PAPPA2: variants seen among roughly 807,000 people sequenced by gnomAD.
PAPPA2 encodes the protein pappalysin 2.
PAPPA2 carries 86 observed loss-of-function variants against 176.4 expected under a neutral mutation model. That is an observed-to-expected ratio of 0.49 (90% CI 0.41 to 0.58). The LOEUF (loss-of-function observed/expected upper bound fraction) is 0.58. PAPPA2 is among the 20% of genes least tolerant of loss of function. The pLI is 0.00. For missense variants in PAPPA2, 2,073 were observed against 2,256.9 expected (o/e 0.92, Z 1.65); for synonymous variants, 809 against 852.2 (o/e 0.95, Z 0.88).
At chr1:176,498,034 C>T (rs920918344) in intron 1 of PAPPA2, among the ~76,000 whole-genome samples, 2 of 152,182 alleles carry the variant, frequency 1.3e-5, no homozygotes, top group Non-Finnish European at 1.5e-5. Flanking sequence ...CTCTGCACAT[C>T]CCTTTAATTG....
intron 1 of PAPPA2, among the ~76,000 whole-genome samples, chr1:176,486,939 T>A (rs1467682209): frequency 3.5e-4 from 50 of 141,138 alleles, no homozygotes; most frequent in Non-Finnish European, 6.5e-4. Context: ...TGGGTGGATT[T>A]AAAAAAAAAA....
intron 3 of PAPPA2, among the ~76,000 whole-genome samples, chr1:176,649,294 A>T (rs1398134269): frequency 1.3e-5 from 2 of 150,908 alleles, no homozygotes; most frequent in Non-Finnish European, 3.0e-5. Flanking sequence ...TTTTTGCTGA[A>T]TTCTTTTTTG....
At chr1:176,518,452 TAA>T (rs368157026) in intron 1 of PAPPA2, among the ~76,000 whole-genome samples, 34,908 of 121,548 alleles carry the variant, frequency 0.29, 4,374 homozygotes, top group African/African-American at 0.35. Flanking sequence ...GCTTGACAGG[TAA>T]AAAAAAAAAA....
intron 12 of PAPPA2, among the ~76,000 whole-genome samples, chr1:176,717,335 G>A (rs773117832): frequency 6.6e-6 from 1 of 152,112 alleles, no homozygotes. Context: ...CAGCACCATG[G>A]CAGTTTATAA....
chr1:176,590,095 G>A (rs573427578), intron 2 of PAPPA2, among the ~76,000 whole-genome samples: 81 of 152,302 alleles, frequency 5.3e-4, no homozygotes, highest in African/African-American at 1.9e-3. Flanking sequence ...GGGTCCTCCA[G>A]TAGACATGTT....
intron 14 of PAPPA2, among the ~76,000 whole-genome samples, chr1:176,754,015 C>CT (rs1341901629): frequency 1.5e-5 from 2 of 134,592 alleles, no homozygotes; most frequent in Non-Finnish European, 1.6e-5. Flanking sequence ...GCCTTTTCAA[C>CT]TGTTTTTTTT....
chr1:176,497,740 A>G (rs2102503150), intron 1 of PAPPA2, among the ~76,000 whole-genome samples: 1 of 152,338 alleles, frequency 6.6e-6, no homozygotes, highest in East Asian at 1.9e-4. Context: ...TCCAGGTCTC[A>G]ACAGTCCTCC....
chr1:176,687,991 A>G (rs184405905), intron 4 of PAPPA2, among the ~76,000 whole-genome samples: 2 of 152,304 alleles, frequency 1.3e-5, no homozygotes, highest in Middle Eastern at 3.4e-3. Flanking sequence ...ATATTTAACC[A>G]CAGATGCCAC....
chr1:176,618,665 G>A (rs1655415243), intron 3 of PAPPA2, among the ~76,000 whole-genome samples: 2 of 152,186 alleles, frequency 1.3e-5, no homozygotes, highest in Admixed American at 1.3e-4. Flanking sequence ...CCAGATAAAT[G>A]AGGTATAGTT....
At chr1:176,625,236 A>G (rs1655940616) in intron 3 of PAPPA2, among the ~76,000 whole-genome samples, 1 of 152,138 alleles carries the variant, frequency 6.6e-6, no homozygotes, top group African/African-American at 2.4e-5. Flanking sequence ...CAGATAGTTA[A>G]CTTAGAAGCT....
intron 2 of PAPPA2, among the ~76,000 whole-genome samples, chr1:176,561,096 C>T (rs1651643062): frequency 6.6e-6 from 1 of 152,168 alleles, no homozygotes; most frequent in Non-Finnish European, 1.5e-5. Context: ...GGCAGGCCAA[C>T]CTGGCAACAG....
At chr1:176,655,244 G>C (rs987389625) in intron 3 of PAPPA2, among the ~76,000 whole-genome samples, 1 of 151,660 alleles carries the variant, frequency 6.6e-6, no homozygotes, top group African/African-American at 2.4e-5. Flanking sequence ...GATGTGTTCC[G>C]TCTATGCCTA....
At chr1:176,715,178 G>C (rs1441996131) in intron 12 of PAPPA2, among the ~76,000 whole-genome samples, 1 of 152,130 alleles carries the variant, frequency 6.6e-6, no homozygotes, top group Non-Finnish European at 1.5e-5. Flanking sequence ...TCTATCTTTA[G>C]TACCCACTGT....
At chr1:176,627,993 C>T (rs372396045) in intron 3 of PAPPA2, among the ~76,000 whole-genome samples, 15 of 152,132 alleles carry the variant, frequency 9.9e-5, no homozygotes, top group Non-Finnish European at 1.3e-4. Context: ...GGTCATTAGG[C>T]GAGCAGGAGA....
At chr1:176,532,316 T>G (rs894293238) in intron 1 of PAPPA2, among the ~76,000 whole-genome samples, 1 of 152,104 alleles carries the variant, frequency 6.6e-6, no homozygotes, top group Non-Finnish European at 1.5e-5. Context: ...AAGCAACATT[T>G]CTATTTATAC....
chr1:176,520,038 A>G (rs562423517), intron 1 of PAPPA2, among the ~76,000 whole-genome samples: 7 of 152,330 alleles, frequency 4.6e-5, no homozygotes, highest in African/African-American at 1.2e-4. Context: ...GCAAAGTCTT[A>G]GAAGTTGGCT....
chr1:176,468,961 G>A (rs1179215398), intron 1 of PAPPA2, among the ~76,000 whole-genome samples: 4 of 152,178 alleles, frequency 2.6e-5, no homozygotes, highest in Admixed American at 6.5e-5. Flanking sequence ...CTCACCAGAT[G>A]TTAGTAACTT....
chr1:176,633,195 A>G (rs893388485), intron 3 of PAPPA2, among the ~76,000 whole-genome samples: 21 of 152,190 alleles, frequency 1.4e-4, no homozygotes, highest in Admixed American at 6.5e-4. Flanking sequence ...TTTAATGCTG[A>G]TTATGAGATG....
chr1:176,482,361 AC>A (rs1558394729), intron 1 of PAPPA2, among the ~76,000 whole-genome samples: 1 of 152,146 alleles, frequency 6.6e-6, no homozygotes, highest in African/African-American at 2.4e-5. Flanking sequence ...GAGTTAGGAG[AC>A]CTGTCTTATA....
Sources: gnomAD v4.1 joint callset for allele counts (sites outside exome capture counted in the v4.1 genomes callset) on GRCh38, gnomAD v4.1.1 for gene constraint, MANE v1.5 for transcripts, NCBI Gene and HGNC (gene_info 2026-07-23, HGNC 2026-07-21) for gene names.